Variants in AGBL4 observed in about 807,000 individuals in gnomAD.
AGBL4 encodes the protein cytosolic carboxypeptidase 6.
A neutral mutation model predicts 66.4 loss-of-function variants in AGBL4; 58 were observed. The ratio of observed to expected loss-of-function variants is 0.87; its 90% CI spans 0.71 to 1.09. The LOEUF is 1.09. AGBL4 is among the 50% of genes least tolerant of loss of function. The pLI, the probability that AGBL4 is intolerant of heterozygous loss-of-function variation, is 0.00. For synonymous variants in AGBL4, 234 were observed against 222.9 expected, an observed-to-expected ratio of 1.05 and a Z score of -0.44; for missense variants, 579 against 631.0, an observed-to-expected ratio of 0.92 and a Z score of 0.88.
intron 3 of AGBL4, among the ~76,000 whole-genome samples, chr1:49,523,054 T>A (rs546350919): frequency 1.3e-5 from 2 of 152,196 alleles, no homozygotes; most frequent in East Asian, 3.9e-4. Flanking sequence ...CCACCCCGAT[T>A]ACCTGAAATT....
At chr1:49,116,382 G>C (rs956915242) in intron 4 of AGBL4, among the ~76,000 whole-genome samples, 2 of 151,906 alleles carry the variant, frequency 1.3e-5, no homozygotes, top group Non-Finnish European at 2.9e-5. Context: ...TCCCCACCCC[G>C]CCAACAGGCC....
At chr1:49,285,685 G>C (rs1344545685) in intron 3 of AGBL4, among the ~76,000 whole-genome samples, 2 of 151,850 alleles carry the variant, frequency 1.3e-5, no homozygotes, top group Non-Finnish European at 2.9e-5. Context: ...ATGATAAAGG[G>C]GATATCACCA....
chr1:49,657,087 T>A (rs186902074), intron 3 of AGBL4, among the ~76,000 whole-genome samples: 2 of 152,332 alleles, frequency 1.3e-5, no homozygotes, highest in Admixed American at 1.3e-4. Context: ...GCAGATGACA[T>A]GATTGTATAT....
chr1:48,649,248 G>A (rs1461595466), intron 8 of AGBL4, among the ~76,000 whole-genome samples: 1 of 152,228 alleles, frequency 6.6e-6, no homozygotes, highest in African/African-American at 2.4e-5. Context: ...CTATAAAAGA[G>A]TGTAATGGGA....
At chr1:49,371,817 CTGTGTGTGTGTG>C (rs55882947) in intron 3 of AGBL4, among the ~76,000 whole-genome samples, 2,237 of 139,876 alleles carry the variant, frequency 0.016, 27 homozygotes, top group African/African-American at 0.025. Flanking sequence ...TTTTCAAACT[CTGTGTGTGTGTG>C]TGTGTGTGTG....
intron 4 of AGBL4, among the ~76,000 whole-genome samples, chr1:49,098,372 A>G (rs913689131): frequency 3.9e-5 from 6 of 152,246 alleles, no homozygotes; most frequent in Non-Finnish European, 7.3e-5. Context: ...AACTGGACAT[A>G]GAAGACCCAA....
intron 2 of AGBL4, among the ~76,000 whole-genome samples, chr1:49,842,737 G>A (rs2148043305): frequency 6.6e-6 from 1 of 152,104 alleles, no homozygotes; most frequent in South Asian, 2.1e-4. Flanking sequence ...GGATGGGGGT[G>A]AGGAGACTTT....
At chr1:49,556,645 G>T (rs181115013) in intron 3 of AGBL4, among the ~76,000 whole-genome samples, 4 of 151,916 alleles carry the variant, frequency 2.6e-5, no homozygotes, top group East Asian at 4.0e-4. Context: ...AGCTGGCTTC[G>T]CCTAGTGGAT....
chr1:49,099,278 G>A (rs2147997734), intron 4 of AGBL4, among the ~76,000 whole-genome samples: 1 of 152,276 alleles, frequency 6.6e-6, no homozygotes, highest in East Asian at 1.9e-4. Context: ...CTGTGAGGGA[G>A]GCCCTCAGTT....
chr1:48,951,281 T>C (rs1656964288), intron 5 of AGBL4, among the ~76,000 whole-genome samples: 1 of 152,208 alleles, frequency 6.6e-6, no homozygotes, highest in Admixed American at 6.5e-5. Flanking sequence ...ATATCTTCTC[T>C]GGCGAGATTC....
intron 5 of AGBL4, among the ~76,000 whole-genome samples, chr1:49,035,754 G>T (rs1664597370): frequency 6.6e-6 from 1 of 151,968 alleles, no homozygotes; most frequent in South Asian, 2.1e-4. Context: ...GTGTGTAGGT[G>T]GGGAGCTCTC....
At chr1:49,785,716 T>C (rs1470904470) in intron 2 of AGBL4, among the ~76,000 whole-genome samples, 1 of 151,750 alleles carries the variant, frequency 6.6e-6, no homozygotes, top group Non-Finnish European at 1.5e-5. Flanking sequence ...TTTAATCCCA[T>C]ATGCCACCTA....
At chr1:48,668,432 GACCAT>G (rs56123146) in intron 6 of AGBL4, among the ~76,000 whole-genome samples, 88,496 of 151,378 alleles carry the variant, frequency 0.58, 26,070 homozygotes, top group Middle Eastern at 0.67. Context: ...CCTTAGCCTA[GACCAT>G]ACCATCCCTG....
chr1:48,550,471 G>T (rs1410839739), intron 11 of AGBL4, among the ~76,000 whole-genome samples: 2 of 152,086 alleles, frequency 1.3e-5, no homozygotes, highest in Non-Finnish European at 2.9e-5. Flanking sequence ...GTCTCTTCTA[G>T]GGATACATGT....
intron 6 of AGBL4, among the ~76,000 whole-genome samples, chr1:48,821,620 G>T (rs1024991322): frequency 1.3e-5 from 2 of 152,096 alleles, no homozygotes; most frequent in African/African-American, 4.8e-5. Context: ...GAGGGGGAAC[G>T]TTAAAAAATG....
chr1:49,881,663 T>C (rs1249668517), intron 1 of AGBL4, among the ~76,000 whole-genome samples: 1 of 150,900 alleles, frequency 6.6e-6, no homozygotes, highest in Non-Finnish European at 1.5e-5. Flanking sequence ...TTTCATGTGT[T>C]TTTTGGCTGC....
chr1:49,872,953 C>T (rs1418163595), intron 1 of AGBL4, among the ~76,000 whole-genome samples: 1 of 151,936 alleles, frequency 6.6e-6, no homozygotes, highest in Non-Finnish European at 1.5e-5. Context: ...CTACAAGTCT[C>T]CAAAATAATG....
chr1:49,880,426 G>A (rs1351819509), intron 1 of AGBL4, among the ~76,000 whole-genome samples: 1 of 152,104 alleles, frequency 6.6e-6, no homozygotes, highest in Non-Finnish European at 1.5e-5. Flanking sequence ...TGCTGTGTGA[G>A]GTGTCAGTGT....
chr1:49,887,615 G>C (rs1648204204), intron 1 of AGBL4, among the ~76,000 whole-genome samples: 1 of 152,032 alleles, frequency 6.6e-6, no homozygotes, highest in Non-Finnish European at 1.5e-5. Context: ...ACAATAGAAA[G>C]ACCCTTCTGG....
Sources: allele counts gnomAD v4.1 joint callset (sites outside exome capture counted in the v4.1 genomes callset), GRCh38; gene constraint gnomAD v4.1.1; transcripts MANE v1.5; gene names NCBI Gene and HGNC (gene_info 2026-07-23, HGNC 2026-07-21).